ATP2A2: variants seen among roughly 807,000 people sequenced by gnomAD.
The protein encoded by ATP2A2 is sarcoplasmic/endoplasmic reticulum calcium ATPase 2.
ATP2A2 carries 14 observed loss-of-function variants against 109.3 expected under a neutral mutation model. The ratio of observed to expected loss-of-function variants is 0.13; its 90% confidence interval spans 0.08 to 0.20. ATP2A2 has a LOEUF of 0.20. ATP2A2 is among the 10% of genes least tolerant of loss of function. The pLI is 1.00. For synonymous variants in ATP2A2, 506 were observed against 490.9 expected (o/e 1.03, Z -0.41); for missense variants, 657 against 1,321.6 (o/e 0.50, Z 7.80).
intron 4 of ATP2A2, 87 bp downstream of exon 4, chr12:110,292,211 T>C (rs557954717): frequency 1.0e-6 from 1 of 986,666 alleles, no homozygotes; most frequent in South Asian, 1.3e-5. Context: ...CTGTTTTTCC[T>C]GATGTGTTGA....
At chr12:110,345,003 A>G (rs770641524) in intron 17 of ATP2A2, 32 bp downstream of exon 17, 20 of 1,607,804 alleles carry the variant, frequency 1.2e-5, no homozygotes, top group African/African-American at 2.7e-5. Context: ...TGTACCTTAC[A>G]TGAGAAGTGT....
At position 110,347,388 on chromosome 12, in the gene ATP2A2, T is replaced by C. The variant is rs1417947906; in HGVS notation, c.*918T>C. 2.3e-6 allele frequency: 3 copies of C among 1,289,074 alleles called. No individual in the cohort carries two copies. The African/African-American group carries it at 4.6e-5, about 20-fold the overall frequency. The allele number at this position is 1,289,074 out of a possible 1,614,324, so 79.9% of individuals were successfully genotyped here. The stretch of plus-strand genomic sequence containing the variant: ...ACTAACAGACATGTCCAACTTTCTC[T>C]CCAGTTCTTAGCTCAGAACTTTAGT... On this transcript the variant is annotated 3_prime_UTR_variant, in exon 20 of 20. Transcript: ENST00000539276.
chr12:110,322,986 A>T lies in ATP2A2; in HGVS notation c.464-6A>T, dbSNP rs769615982. 3 of 1,608,082 alleles carry T rather than the reference A, an allele frequency of 1.9e-6. No individual in the cohort carries two copies. Among genetic ancestry groups the T allele is most frequent in the Admixed American group, 1.7e-5 (1 of 59,996 alleles). ...ATTTCAGCCGCCTTTTTTTTCTCCT[A>T]ATTAGTTGGTGACAAAGTTCCTGCT... On this transcript the variant is annotated splice_region_variant and splice_polypyrimidine_tract_variant and intron_variant, in intron 5 of 19. Coordinates refer to ENST00000539276, the MANE Select transcript of ATP2A2 (RefSeq NM_170665.4).
At chr12:110,337,048 A>C (rs1878902593) in intron 11 of ATP2A2, among the ~76,000 whole-genome samples, 1 of 152,220 alleles carries the variant, frequency 6.6e-6, no homozygotes, top group Non-Finnish European at 1.5e-5. Flanking sequence ...CTGAACCAGC[A>C]CTGGCTCACT....
intron 11 of ATP2A2, chr12:110,334,378 G>C (rs1566234359): frequency 1.8e-6 from 1 of 557,394 alleles, no homozygotes; most frequent in African/African-American, 1.9e-5. Context: ...GCCCACAGGG[G>C]CTGCCTTCTC....
chr12:110,316,957 C>T (rs902079602), intron 5 of ATP2A2, among the ~76,000 whole-genome samples: 7 of 152,096 alleles, frequency 4.6e-5, no homozygotes, highest in African/African-American at 1.4e-4. Flanking sequence ...GAGGAGATCA[C>T]GTTTGCCATT....
At chr12:110,334,345 A>G (rs1196836242) in intron 11 of ATP2A2, 7 of 693,096 alleles carry the variant, frequency 1.0e-5, no homozygotes, top group East Asian at 2.9e-5. Context: ...ATCAATAGCT[A>G]ATTTCCTTGA....
chr12:110,346,731 T>G lies in ATP2A2; in HGVS notation c.*261T>G. 2 of 1,339,898 alleles carry G rather than the reference T, an allele frequency of 1.5e-6. No homozygotes were observed. The highest frequency in any genetic ancestry group is 1.9e-6 in the Non-Finnish European group (2 of 1,042,610). The allele number at this position is 1,339,898 out of a possible 1,614,324, so 83.0% of individuals were successfully genotyped here. On this transcript the variant is annotated 3_prime_UTR_variant, in exon 20 of 20. Coordinates refer to ENST00000539276, the MANE Select transcript of ATP2A2 (RefSeq NM_170665.4). ...ATATTTTTTTGTAGATGAAAAAGCA[T>G]GTACAGTGTTCTGTTTAATACTCAT...
intron 11 of ATP2A2, among the ~76,000 whole-genome samples, chr12:110,338,319 A>G (rs932791005): frequency 1.3e-5 from 2 of 152,248 alleles, no homozygotes; most frequent in Admixed American, 6.5e-5. Flanking sequence ...TGACAGCCAC[A>G]TGAACAGTGG....
intron 5 of ATP2A2, among the ~76,000 whole-genome samples, chr12:110,321,993 T>A (rs904675604): frequency 6.6e-6 from 1 of 152,136 alleles, no homozygotes; most frequent in African/African-American, 2.4e-5. Context: ...TAATTGATAT[T>A]TCTTTTTTTT....
intron 3 of ATP2A2, among the ~76,000 whole-genome samples, chr12:110,288,891 C>T (rs1284700086): frequency 1.3e-5 from 2 of 152,152 alleles, no homozygotes; most frequent in African/African-American, 2.4e-5. Context: ...CAGTTTTCCT[C>T]CCCTTTCTCT....
At chr12:110,293,828 G>A (rs1205237682) in intron 4 of ATP2A2, among the ~76,000 whole-genome samples, 28 of 80,870 alleles carry the variant, frequency 3.5e-4, no homozygotes, top group South Asian at 1.1e-3. Flanking sequence ...CCATATATAT[G>A]TGTGTGTGTG....
At chr12:110,302,393 A>G (rs757857284) in intron 5 of ATP2A2, among the ~76,000 whole-genome samples, 2 of 152,108 alleles carry the variant, frequency 1.3e-5, no homozygotes, top group Non-Finnish European at 2.9e-5. Flanking sequence ...TACTACTACT[A>G]TAAAGTGGAG....
At chr12:110,336,033 C>G (rs1041557735) in intron 11 of ATP2A2, among the ~76,000 whole-genome samples, 4 of 152,226 alleles carry the variant, frequency 2.6e-5, no homozygotes, top group Non-Finnish European at 5.9e-5. Flanking sequence ...TCCACCAGAC[C>G]ATTTGCCTGC....
At position 110,296,632 on chromosome 12, in the gene ATP2A2, A is replaced by G; in HGVS notation, c.358A>G (p.Lys120Glu). 1 of 1,614,184 alleles carries G rather than the reference A, an allele frequency of 6.2e-7. No homozygotes were observed. Among genetic ancestry groups the G allele is most frequent in the Non-Finnish European group, 8.5e-7 (1 of 1,180,026 alleles). The change falls in exon 5 of 20, where the codon AAG becomes GAG. Residue 120 changes from lysine to glutamate, a missense_variant. Lys to Glu is a moderately conservative substitution (Grantham distance 56, BLOSUM62 1). Around this residue, in one of 9 missense-constraint regions of ATP2A2, gnomAD observed 136 missense variants for 343.9 expected, o/e 0.40. Coordinates refer to ENST00000539276, the MANE Select transcript of ATP2A2 (RefSeq NM_170665.4). ...RNAENAIEAL[K>E]EYEPEMGKVY... ...TGCTGAAAATGCCATCGAAGCCCTT[A>G]AGGAATATGAGCCTGAAATGGGCAA...
chr12:110,333,349 A>G, intron 10 of ATP2A2, 66 bp downstream of exon 10: 1 of 1,400,320 alleles, frequency 7.1e-7, no homozygotes, highest in African/African-American at 1.4e-5. Flanking sequence ...GGTGGAATGA[A>G]AGTCTAGCCT....
In ATP2A2 at chr12:110,350,398, G is replaced by T; in HGVS notation, c.*3928G>T. ...ACATCTACCAACCCTGTGCATGACT[G>T]ATGTTGGGGAAAAAGAAAAGTAAAA... is the stretch of plus-strand genomic sequence containing the variant. On this transcript the variant is annotated 3_prime_UTR_variant, in exon 20 of 20. Coordinates refer to ENST00000539276, the MANE Select transcript of ATP2A2 (RefSeq NM_170665.4). 1 of 1,597,874 alleles carries T rather than the reference G, an allele frequency of 6.3e-7. No homozygotes were observed. Among genetic ancestry groups the T allele is most frequent in the Non-Finnish European group, 8.6e-7 (1 of 1,166,888 alleles).
intron 17 of ATP2A2, 114 bp downstream of exon 17, chr12:110,345,085 C>T: frequency 1.3e-6 from 2 of 1,487,604 alleles, no homozygotes; most frequent in South Asian, 1.1e-5. Flanking sequence ...TAAACAGTTA[C>T]ATCTAAGATG....
In ATP2A2 at chr12:110,340,745, A is replaced by G. The variant is rs1592861044; in HGVS notation, c.1848A>G (p.Ala616=). Residue 616 remains alanine (A), a synonymous_variant, in exon 14 of 20, where the codon GCA becomes GCG. Coordinates refer to ENST00000539276, the MANE Select transcript of ATP2A2 (RefSeq NM_170665.4). The surrounding 1 kb of genome is among the most constrained non-coding windows in gnomAD (Gnocchi z 6.0). ...CCTCCGTGAAGCTGTGCCGGCAAGCAGGCATCCGGGTCATCATGATCACTG... is the reference window on the plus strand; with the variant it reads ...CCTCCGTGAAGCTGTGCCGGCAAGCGGGCATCCGGGTCATCATGATCACTG... The part of the protein sequence containing the change: ...VASSVKLCRQ[A]GIRVIMITGD... 1 of 1,614,070 alleles carries G rather than the reference A, an allele frequency of 6.2e-7. No homozygotes were observed. The highest frequency in any genetic ancestry group is 1.1e-5 in the South Asian group (1 of 91,076).
Sources: gnomAD v4.1 joint callset for allele counts (sites outside exome capture counted in the v4.1 genomes callset) on GRCh38, gnomAD v4.1.1 for gene constraint, gnomAD v4.1.1 regional missense constraint, Gnocchi (gnomAD v3.1) non-coding constraint, MANE v1.5 for transcripts, NCBI Gene and HGNC (gene_info 2026-07-23, HGNC 2026-07-21) for gene names.